Variants in CACNA1B observed in about 807,000 individuals in gnomAD.
The protein encoded by CACNA1B is voltage-dependent N-type calcium channel subunit alpha-1B.
CACNA1B carries 70 observed loss-of-function variants against 247.2 expected under a neutral mutation model. That is an observed-to-expected ratio of 0.28 (90% CI 0.23 to 0.35). The LOEUF (loss-of-function observed/expected upper bound fraction) is 0.35. Among genes scored for constraint, CACNA1B ranks in the 10% least tolerant of loss-of-function variants. The pLI, the probability that CACNA1B is intolerant of heterozygous loss-of-function variation, is 1.00. For synonymous variants in CACNA1B, 1,231 were observed against 1,294.4 expected, an observed-to-expected ratio of 0.95 and a Z score of 1.05; for missense variants, 2,367 against 3,197.4, an observed-to-expected ratio of 0.74 and a Z score of 6.26.
intron 3 of CACNA1B, among the ~76,000 whole-genome samples, chr9:137,903,318 G>A (rs933138613): frequency 4.6e-5 from 7 of 152,162 alleles, no homozygotes; most frequent in Non-Finnish European, 1.0e-4. Context: ...CCCAGGAGGT[G>A]GAGGTTGCAG....
chr9:138,093,669 G>T (rs546541437), intron 36 of CACNA1B, among the ~76,000 whole-genome samples: 61 of 152,044 alleles, frequency 4.0e-4, no homozygotes, highest in African/African-American at 1.4e-3. Flanking sequence ...GAACCTGGGA[G>T]GTGGAGGCTG....
At position 137,984,260 on chromosome 9, in the gene CACNA1B, C is replaced by T. The variant is rs202010470; in HGVS notation, c.1769+10C>T. 6.4e-7 allele frequency: 1 copy of T among 1,560,356 alleles called. No homozygotes were observed. Among genetic ancestry groups the T allele is most frequent in the Non-Finnish European group, 8.7e-7 (1 of 1,148,760 alleles). On this transcript the variant is annotated intron_variant, in intron 13 of 46. Transcript: ENST00000371372. The stretch of plus-strand genomic sequence containing the variant: ...TCTTCAAAGTCACGAAGTACGTCCC[C>T]TGCGCTCCCAGGCGAGGGCAGGTGT...
rs965359900 is a variant in CACNA1B, at chr9:138,051,772, C to T, written c.3711-320C>T. On this transcript the variant is annotated intron_variant, in intron 24 of 46. Coordinates refer to ENST00000371372, the MANE Select transcript of CACNA1B (RefSeq NM_000718.4). This position sits in a 1 kb window ranked among gnomAD's most constrained non-coding sequence, Gnocchi z 4.3. ...CACTTCTGGGTCTGCAGTCCTCGTG[C>T]GGGTCTCTTCTGTCCTCTTAATCCT... Among the ~76,000 whole-genome samples, 15 of 152,120 alleles carry T rather than the reference C, an allele frequency of 9.9e-5. No homozygotes were observed. The highest frequency in any genetic ancestry group is 3.3e-4 in the Admixed American group (5 of 15,276).
At chr9:137,904,353 T>G (rs1957273315) in intron 3 of CACNA1B, among the ~76,000 whole-genome samples, 1 of 36,038 alleles carries the variant, frequency 2.8e-5, no homozygotes, top group African/African-American at 3.8e-4. Flanking sequence ...TCTCTCTCTC[T>G]TTTTTTTTTT....
In CACNA1B at chr9:137,957,830, C is replaced by T. The variant is rs1957968015; in HGVS notation, c.1333+143C>T. On this transcript the variant is annotated intron_variant, in intron 10 of 46. Coordinates refer to ENST00000371372, the MANE Select transcript of CACNA1B (RefSeq NM_000718.4). This position sits in a 1 kb window ranked among gnomAD's most constrained non-coding sequence, Gnocchi z 4.7. ...GGCTCCTTTCAGACAGTTTGCTGCT[C>T]CTGGCTTTGTGACCCCCATGTGGAC... 3 of 552,140 alleles carry T rather than the reference C, an allele frequency of 5.4e-6. No individual in the cohort carries two copies. The Admixed American group carries it at 1.0e-4, about 18-fold the overall frequency. The allele number at this position is 552,140 out of a possible 1,614,324, so 34.2% of individuals were successfully genotyped here.
At chr9:138,029,083 C>A (rs1472621465) in intron 20 of CACNA1B, among the ~76,000 whole-genome samples, 2 of 152,174 alleles carry the variant, frequency 1.3e-5, no homozygotes, top group African/African-American at 2.4e-5. Flanking sequence ...GACTTTTGGG[C>A]ATGTATACTT....
In CACNA1B at chr9:138,102,716, G is replaced by T. The variant is rs1231982669; in HGVS notation, c.5228G>T (p.Arg1743Leu). Reference sequence around the variant, plus strand: ...TCGCTGGGACGGGTTTCCAGTGGGCGCATCAGTTACAATGACATGTTTGAG... The same window carrying T: ...TCGCTGGGACGGGTTTCCAGTGGGCTCATCAGTTACAATGACATGTTTGAG... The part of the protein sequence containing the change: ...WAEYDPAACG[R>L]ISYNDMFEML... The change falls in exon 38 of 47, where the codon CGC (arginine) becomes CTC (leucine). Residue 1743 changes from arginine to leucine, a missense_variant. Around this residue, in one of 12 missense-constraint regions of CACNA1B, gnomAD observed 55 missense variants for 107.8 expected, o/e 0.51. Transcript: ENST00000371372. This position sits in a 1 kb window ranked among gnomAD's most constrained non-coding sequence, Gnocchi z 5.4. The T allele has an allele frequency of 6.2e-7, 1 of 1,607,956 alleles. No individual in the cohort carries two copies.
At chr9:137,994,500 A>C (rs554929396) in intron 15 of CACNA1B, among the ~76,000 whole-genome samples, 1 of 152,250 alleles carries the variant, frequency 6.6e-6, no homozygotes, top group Non-Finnish European at 1.5e-5. Flanking sequence ...GAATTCAGCA[A>C]GGTTTCAAGA....
At chr9:137,900,584 GTGTGTCCA>G (rs202025203) in intron 3 of CACNA1B, among the ~76,000 whole-genome samples, 1 of 148,138 alleles carries the variant, frequency 6.8e-6, no homozygotes, top group African/African-American at 2.5e-5. Context: ...CTCTGTGTCC[GTGTGTCCA>G]TGTCTGTGCC....
chr9:137,933,676 T>C (rs1957632700), intron 6 of CACNA1B, among the ~76,000 whole-genome samples: 1 of 152,230 alleles, frequency 6.6e-6, no homozygotes, highest in Admixed American at 6.5e-5. Context: ...AGGATGGCAG[T>C]ATATTTAGAT....
At chr9:137,994,818 A>G (rs924761318) in intron 15 of CACNA1B, among the ~76,000 whole-genome samples, 5 of 152,234 alleles carry the variant, frequency 3.3e-5, no homozygotes, top group African/African-American at 7.2e-5. Context: ...TGCAATTCCC[A>G]TCAAAATACC....
intron 9 of CACNA1B, 74 bp downstream of exon 9, chr9:137,956,901 T>C (rs1233852396): frequency 1.6e-6 from 2 of 1,257,214 alleles, no homozygotes; most frequent in East Asian, 2.3e-5. Flanking sequence ...ACGTGCCTGC[T>C]TGCATGTTTC....
chr9:138,037,353 T>C (rs983510203), intron 20 of CACNA1B, among the ~76,000 whole-genome samples: 1 of 152,138 alleles, frequency 6.6e-6, no homozygotes, highest in African/African-American at 2.4e-5. Flanking sequence ...AAAGGATGTC[T>C]AGAGACCGTT....
intron 36 of CACNA1B, among the ~76,000 whole-genome samples, chr9:138,093,434 A>C (rs545163460): frequency 4.9e-4 from 74 of 150,504 alleles, no homozygotes; most frequent in African/African-American, 1.8e-3. Flanking sequence ...AAAAAGAAGA[A>C]GAAGACAGAA....
At chr9:137,894,614 G>T (rs545673298) in intron 3 of CACNA1B, among the ~76,000 whole-genome samples, 31 of 152,004 alleles carry the variant, frequency 2.0e-4, no homozygotes, top group Admixed American at 3.3e-4. Context: ...TTCACCGTGT[G>T]AGCCAGGATG....
chr9:137,983,082 C>T (rs540067615), intron 12 of CACNA1B, among the ~76,000 whole-genome samples: 23 of 152,258 alleles, frequency 1.5e-4, no homozygotes, highest in African/African-American at 5.3e-4. Flanking sequence ...TCAGTGACTT[C>T]GTAAGAGCAT....
chr9:138,064,406 GA>G (rs1023938373), intron 31 of CACNA1B, among the ~76,000 whole-genome samples: 3 of 152,232 alleles, frequency 2.0e-5, no homozygotes, highest in Non-Finnish European at 4.4e-5. Context: ...CCCTGGATCT[GA>G]AAACTGACTG....
At chr9:138,074,322 C>G (rs1307901086) in intron 34 of CACNA1B, among the ~76,000 whole-genome samples, 5 of 151,692 alleles carry the variant, frequency 3.3e-5, no homozygotes, top group Non-Finnish European at 5.9e-5. Flanking sequence ...CTCACTGCAA[C>G]CTCTGCCTGC....
At chr9:138,004,590 A>G (rs1320604276) in intron 15 of CACNA1B, among the ~76,000 whole-genome samples, 1 of 151,696 alleles carries the variant, frequency 6.6e-6, no homozygotes, top group East Asian at 1.9e-4. Flanking sequence ...TCAAAGCTGT[A>G]TTGTTGAATG....
Sources: allele counts gnomAD v4.1 joint callset (sites outside exome capture counted in the v4.1 genomes callset), GRCh38; gene constraint gnomAD v4.1.1; regional missense constraint gnomAD v4.1.1; non-coding constraint Gnocchi (gnomAD v3.1); transcripts MANE v1.5; gene names NCBI Gene and HGNC (gene_info 2026-07-23, HGNC 2026-07-21).